NLRP5: variants seen among roughly 807,000 people sequenced by gnomAD.
The protein encoded by NLRP5 is NACHT, LRR and PYD domains-containing protein 5.
NLRP5 carries 93 observed loss-of-function variants against 113.1 expected under a neutral mutation model. The observed-to-expected ratio is 0.82, with a 90% confidence interval of 0.70 to 0.98. The LOEUF is 0.98. Ranked by LOEUF, NLRP5 falls within the 50% of genes least tolerant of loss-of-function variation. The pLI, the probability that NLRP5 is intolerant of heterozygous loss-of-function variation, is 0.00. For synonymous variants in NLRP5, 751 were observed against 600.7 expected (o/e 1.25, Z -3.66); for missense variants, 1,808 against 1,514.3 (o/e 1.19, Z -3.22).
chr19:56,031,026 ATTC>A (rs1983090578), intron 7 of NLRP5, among the ~76,000 whole-genome samples: 1 of 151,400 alleles, frequency 6.6e-6, no homozygotes, highest in South Asian at 2.1e-4. Context: ...TTTTTCTTTT[ATTC>A]TTGAGGGCAA....
At chr19:56,011,765 C>T (rs1230887552) in intron 3 of NLRP5, among the ~76,000 whole-genome samples, 1 of 151,274 alleles carries the variant, frequency 6.6e-6, no homozygotes, top group Non-Finnish European at 1.5e-5. Context: ...TTGATCTTGG[C>T]TCACTGCAAC....
At chr19:56,028,589 G>A in intron 7 of NLRP5, 80 bp downstream of exon 7, 1 of 1,304,420 alleles carries the variant, frequency 7.7e-7, no homozygotes, top group Non-Finnish European at 1.1e-6. Context: ...ATGACTTCCA[G>A]GAACTTCAAG....
At chr19:56,058,926 C>A (rs1984256245) in intron 14 of NLRP5, among the ~76,000 whole-genome samples, 1 of 152,260 alleles carries the variant, frequency 6.6e-6, no homozygotes, top group African/African-American at 2.4e-5. Context: ...ATGATGGAAT[C>A]TTGACATGCC....
chr19:56,023,399 G>A (rs1049804756), intron 6 of NLRP5, among the ~76,000 whole-genome samples: 4 of 152,190 alleles, frequency 2.6e-5, no homozygotes, highest in Non-Finnish European at 4.4e-5. Context: ...TGATGTGGAC[G>A]ACAGACGGCC....
At chr19:56,033,244 C>A (rs1343069901) in intron 8 of NLRP5, among the ~76,000 whole-genome samples, 1 of 151,882 alleles carries the variant, frequency 6.6e-6, no homozygotes, top group African/African-American at 2.4e-5. Flanking sequence ...GAGTGAGACT[C>A]CATCTTAAAC....
At chr19:56,040,859 A>AGG in intron 10 of NLRP5, 63 bp from the exon 11 acceptor site, 2 of 1,395,194 alleles carry the variant, frequency 1.4e-6, no homozygotes, top group East Asian at 4.6e-5. Context: ...CTTGTAAAGG[A>AGG]GGGAAAGATG....
chr19:56,039,116 C>G (rs924867042), intron 10 of NLRP5, among the ~76,000 whole-genome samples: 9 of 149,774 alleles, frequency 6.0e-5, no homozygotes, highest in African/African-American at 1.7e-4. Context: ...GTTCTCAAAA[C>G]AGGTCTACGG....
intron 7 of NLRP5, among the ~76,000 whole-genome samples, chr19:56,029,571 T>G (rs1222625514): frequency 6.6e-6 from 1 of 152,144 alleles, no homozygotes; most frequent in East Asian, 1.9e-4. Context: ...CGGCCTCATT[T>G]GTATTTAAAT....
intron 11 of NLRP5, among the ~76,000 whole-genome samples, chr19:56,042,431 C>T (rs564364585): frequency 2.0e-5 from 3 of 152,246 alleles, no homozygotes; most frequent in Admixed American, 6.5e-5. Flanking sequence ...GCAACCTCCA[C>T]CTCCCCTCCC....
In NLRP5 at chr19:56,028,522, G is replaced by A. The variant is rs1295073329; in HGVS notation, c.2276+13G>A. On this transcript the variant is annotated intron_variant, in intron 7 of 14. Coordinates refer to ENST00000390649, the MANE Select transcript of NLRP5 (RefSeq NM_153447.4). ...TGGTCCCTCTATGGTGAGTACCCCAGGCAGTTTTATCCTATGCCGTGTGCT... is the reference window on the plus strand; with the variant it reads ...TGGTCCCTCTATGGTGAGTACCCCAAGCAGTTTTATCCTATGCCGTGTGCT... The A allele has an allele frequency of 5.6e-6, 9 of 1,608,306 alleles. No individual in the cohort carries two copies. Among genetic ancestry groups the A allele is most frequent in the Non-Finnish European group, 5.9e-6 (7 of 1,177,250 alleles).
the NLRP5 span, among the ~76,000 whole-genome samples, chr19:55,990,079 C>CTTTTTTTTTTTTTTTT: frequency 6.0e-4 from 58 of 95,950 alleles, no homozygotes; most frequent in Non-Finnish European, 9.1e-4. Context: ...TTTCTTTTTT[C>CTTTTTTTTTTTTTTTT]TTTTTTTTTT....
rs746505887 is a variant in NLRP5 at position 56,032,790 on chromosome 19, G to T, written c.2447+9G>T. 2 of 1,597,570 alleles carry T rather than the reference G, an allele frequency of 1.3e-6. No homozygotes were observed. The highest frequency in any genetic ancestry group is 1.7e-6 in the Non-Finnish European group (2 of 1,171,230). On this transcript the variant is annotated intron_variant, in intron 8 of 14. Transcript: ENST00000390649. ...AAGATACAGACCCTGATGTAAGGCT[G>T]CCCGCCCCCTACGAGAGAATCCCTT...
chr19:56,015,328 G>C (rs1161496386), intron 3 of NLRP5, among the ~76,000 whole-genome samples: 1 of 151,974 alleles, frequency 6.6e-6, no homozygotes. Context: ...TCCAGTAGAT[G>C]GGATTACAGG....
At chr19:56,013,975 T>G (rs1389343065) in intron 3 of NLRP5, among the ~76,000 whole-genome samples, 1 of 152,180 alleles carries the variant, frequency 6.6e-6, no homozygotes, top group Non-Finnish European at 1.5e-5. Flanking sequence ...TTCAAATCCT[T>G]GGTCCTTTTT....
Position 56,020,356 on chromosome 19 carries a change from G to C in NLRP5, c.623-19G>C. 2 of 1,611,146 alleles carry C rather than the reference G, an allele frequency of 1.2e-6. No homozygotes were observed. Among genetic ancestry groups the C allele is most frequent in the Middle Eastern group, 1.7e-4 (1 of 6,052 alleles). ...CTCGAATAATAAACACAAGTATGTT[G>C]GAATTCATTCTTTTGCAGAAATTTC... On this transcript the variant is annotated intron_variant, in intron 5 of 14. Coordinates refer to ENST00000390649, the MANE Select transcript of NLRP5 (RefSeq NM_153447.4).
intron 7 of NLRP5, 50 bp from the exon 8 acceptor site, chr19:56,032,561 C>T (rs752719786): frequency 3.9e-6 from 6 of 1,546,222 alleles, no homozygotes; most frequent in Admixed American, 1.8e-5. Flanking sequence ...CACGACTGCT[C>T]ATGTTAAACT....
intron 2 of NLRP5, among the ~76,000 whole-genome samples, chr19:56,005,407 A>G (rs1981850064): frequency 6.7e-6 from 1 of 148,768 alleles, no homozygotes; most frequent in South Asian, 2.1e-4. Flanking sequence ...ACACATATAC[A>G]CATATATTTT....
chr19:56,018,400 G>A (rs1364157422), intron 4 of NLRP5, among the ~76,000 whole-genome samples: 1 of 152,178 alleles, frequency 6.6e-6, no homozygotes, highest in Non-Finnish European at 1.5e-5. Flanking sequence ...TTCTCAGTCA[G>A]TGGTAGCTAC....
intron 9 of NLRP5, among the ~76,000 whole-genome samples, chr19:56,034,340 C>T (rs1983234798): frequency 2.0e-5 from 3 of 152,110 alleles, no homozygotes; most frequent in Admixed American, 6.5e-5. Context: ...GAGCTGAGAC[C>T]GTGCCACTGC....
Sources: gnomAD v4.1 joint callset for allele counts (sites outside exome capture counted in the v4.1 genomes callset) on GRCh38, gnomAD v4.1.1 for gene constraint, MANE v1.5 for transcripts, NCBI Gene and HGNC (gene_info 2026-07-23, HGNC 2026-07-21) for gene names.